Variants in GRK7 observed in about 807,000 individuals in gnomAD.
GRK7 encodes rhodopsin kinase GRK7.
GRK7 carries 24 observed loss-of-function variants against 34.1 expected under a neutral mutation model. The ratio of observed to expected loss-of-function variants is 0.70; its 90% CI spans 0.51 to 0.99. GRK7 has a LOEUF of 0.99. GRK7 is among the 50% of genes least tolerant of loss of function. The probability of loss-of-function intolerance (pLI) is 0.00; values close to 1 mark genes in which losing one functional copy is unlikely to be tolerated. For missense variants in GRK7, 644 were observed against 707.3 expected (o/e 0.91, Z 1.02); for synonymous variants, 256 against 279.4 (o/e 0.92, Z 0.84).
At chr3:141,754,595 C>G in the GRK7 span, among the ~76,000 whole-genome samples, 1 of 152,040 alleles carries the variant, frequency 6.6e-6, no homozygotes, top group African/African-American at 2.4e-5. Flanking sequence ...TGCATGCCTC[C>G]CCGGTGTCTT....
chr3:141,752,323 G>A, the GRK7 span, among the ~76,000 whole-genome samples: 2 of 152,124 alleles, frequency 1.3e-5, no homozygotes, highest in East Asian at 3.9e-4. Context: ...CCTCACAGAG[G>A]ACATTTGGCG....
intron 3 of GRK7, among the ~76,000 whole-genome samples, chr3:141,779,409 C>CAAA (rs10626329): frequency 0.069 from 6,626 of 96,398 alleles, 425 homozygotes; most frequent in African/African-American, 0.11. Context: ...GAGCAAGACT[C>CAAA]AAAAAAAAAA....
Position 141,792,705 on chromosome 3 carries a change from A to G in GRK7, c.1050+11894A>G, listed in dbSNP as rs766167905. On this transcript the variant is annotated intron_variant, in intron 4 of 5. Coordinates refer to ENST00000682958, the MANE Select transcript of GRK7 (RefSeq NM_139209.3). ...ATTGTGAAATATGTGTTTGGTCTTC[A>G]TCCCATTTTCTGGCATACAACTCCA... Among the ~76,000 whole-genome samples, 63 of 152,326 alleles carry G rather than the reference A, an allele frequency of 4.1e-4. No homozygotes were observed. The Middle Eastern group carries it at 0.017, about 41-fold the overall frequency.
At chr3:141,773,840 A>C (rs960269079) in intron 1 of GRK7, among the ~76,000 whole-genome samples, 10 of 152,252 alleles carry the variant, frequency 6.6e-5, no homozygotes, top group African/African-American at 2.4e-4. Context: ...GATGAAACTA[A>C]GGCTCAGAGA....
intron 3 of GRK7, among the ~76,000 whole-genome samples, chr3:141,779,550 TA>T (rs2084660904): frequency 6.6e-6 from 1 of 152,350 alleles, no homozygotes; most frequent in East Asian, 1.9e-4. Context: ...ATTTGCTTGA[TA>T]TAAAACTAAC....
intron 1 of GRK7, among the ~76,000 whole-genome samples, chr3:141,771,811 A>G (rs762914816): frequency 6.6e-5 from 10 of 151,998 alleles, no homozygotes; most frequent in Non-Finnish European, 1.0e-4. Context: ...CAGCCTCCCA[A>G]GTAGCTGGGA....
At chr3:141,808,191 G>A (rs1711056165) in intron 5 of GRK7, among the ~76,000 whole-genome samples, 1 of 152,112 alleles carries the variant, frequency 6.6e-6, no homozygotes, top group African/African-American at 2.4e-5. Flanking sequence ...TCAAATGGTT[G>A]TATAGAATAT....
chr3:141,804,708 T>C lies in GRK7; in HGVS notation c.1051-2937T>C, dbSNP rs557006014. On this transcript the variant is annotated intron_variant, in intron 4 of 5. Coordinates refer to ENST00000682958, the MANE Select transcript of GRK7 (RefSeq NM_139209.3). ...ATACACACATGCTCTCATATACACATGCACATTCACACATACACTCACCCT... is the reference window on the plus strand; with the variant it reads ...ATACACACATGCTCTCATATACACACGCACATTCACACATACACTCACCCT... 6.8e-3 allele frequency among the ~76,000 whole-genome samples: 1,026 copies of C among 149,830 alleles called. 2 individuals carry two copies. Among genetic ancestry groups the C allele is most frequent in the Non-Finnish European group, 8.3e-3 (560 of 67,424 alleles).
chr3:141,796,824 T>C (rs1710885465), intron 4 of GRK7, among the ~76,000 whole-genome samples: 1 of 152,174 alleles, frequency 6.6e-6, no homozygotes, highest in Non-Finnish European at 1.5e-5. Flanking sequence ...CCTTTCAGTC[T>C]GATGGAGTCT....
At chr3:141,775,791 G>GTT (rs72187047) in intron 2 of GRK7, among the ~76,000 whole-genome samples, 1 of 147,820 alleles carries the variant, frequency 6.8e-6, no homozygotes, top group Admixed American at 6.7e-5. Flanking sequence ...AATTTCGCCT[G>GTT]TTTTTTTTTT....
intron 2 of GRK7, among the ~76,000 whole-genome samples, chr3:141,776,243 C>G (rs1023429226): frequency 6.6e-6 from 1 of 151,972 alleles, no homozygotes; most frequent in Non-Finnish European, 1.5e-5. Context: ...GCCGAGATCA[C>G]GCCACTGCAC....
At chr3:141,779,052 G>A (rs145845923) in intron 3 of GRK7, among the ~76,000 whole-genome samples, 156 bp downstream of exon 3, 64 of 152,224 alleles carry the variant, frequency 4.2e-4, no homozygotes, top group African/African-American at 1.5e-3. Context: ...CCTTCTTTGT[G>A]TGTGCCATGG....
In GRK7 at chr3:141,803,387, C is replaced by T. The variant is rs1018396836; in HGVS notation, c.1051-4258C>T. Reference sequence around the variant, plus strand: ...TGGAGGCTACAGCGAGCCAAGATCACGCCACTGCACTCCAGACGGCGACAG... The same window carrying T: ...TGGAGGCTACAGCGAGCCAAGATCATGCCACTGCACTCCAGACGGCGACAG... On this transcript the variant is annotated intron_variant, in intron 4 of 5. Transcript: ENST00000682958. Among the ~76,000 whole-genome samples the T allele has an allele frequency of 4.6e-5, 7 of 151,730 alleles. No homozygotes were observed. The East Asian group carries it at 7.7e-4, about 17-fold the overall frequency.
chr3:141,773,644 G>C (rs902896199), intron 1 of GRK7, among the ~76,000 whole-genome samples: 1 of 152,124 alleles, frequency 6.6e-6, no homozygotes, highest in Non-Finnish European at 1.5e-5. Context: ...TCGATCTCCT[G>C]ACCTTGTGAT....
chr3:141,770,897 G>A (rs2084613905), intron 1 of GRK7, among the ~76,000 whole-genome samples: 1 of 151,762 alleles, frequency 6.6e-6, no homozygotes, highest in Non-Finnish European at 1.5e-5. Flanking sequence ...GGCTGAGGTG[G>A]GAGGATCACT....
At chr3:141,814,608 T>C (rs1711130222) in intron 5 of GRK7, among the ~76,000 whole-genome samples, 1 of 152,236 alleles carries the variant, frequency 6.6e-6, no homozygotes, top group Admixed American at 6.5e-5. Flanking sequence ...TACCACACTT[T>C]CTTTATTCAA....
At chr3:141,810,278 C>G (rs936888022) in intron 5 of GRK7, among the ~76,000 whole-genome samples, 5 of 151,316 alleles carry the variant, frequency 3.3e-5, no homozygotes, top group African/African-American at 4.9e-5. Flanking sequence ...CTCTCTCCCC[C>G]CTCTTTTCTC....
chr3:141,777,529 G>T (rs1161549224), intron 2 of GRK7, among the ~76,000 whole-genome samples: 1 of 124,890 alleles, frequency 8.0e-6, no homozygotes, highest in Non-Finnish European at 1.6e-5. Context: ...GTAGAGACGG[G>T]GTTTCACCGT....
intron 1 of GRK7, among the ~76,000 whole-genome samples, chr3:141,770,714 A>C (rs1028052470): frequency 2.6e-5 from 4 of 152,220 alleles, no homozygotes; most frequent in African/African-American, 9.7e-5. Flanking sequence ...ACCACCTCAC[A>C]CCAGTCAGAA....
Sources: gnomAD v4.1 joint callset for allele counts (sites outside exome capture counted in the v4.1 genomes callset) on GRCh38, gnomAD v4.1.1 for gene constraint, MANE v1.5 for transcripts, NCBI Gene and HGNC (gene_info 2026-07-23, HGNC 2026-07-21) for gene names.